SNX18: variants seen among roughly 807,000 people sequenced by gnomAD.
SNX18 encodes sorting nexin 18, also known as sorting nexin-18.
Under a neutral mutation model 48.7 loss-of-function variants are expected in SNX18, and 35 were observed. That is an observed-to-expected ratio of 0.72 (90% CI 0.55 to 0.95). SNX18 has a LOEUF of 0.95. SNX18 is among the 40% of genes least tolerant of loss of function. The pLI, the probability that SNX18 is intolerant of heterozygous loss-of-function variation, is 0.00. For missense variants in SNX18, 824 were observed against 871.0 expected (o/e 0.95, Z 0.68); for synonymous variants, 492 against 384.7 (o/e 1.28, Z -3.26).
chr5:54,577,827 G>A, the SNX18 span, among the ~76,000 whole-genome samples: 1 of 152,202 alleles, frequency 6.6e-6, no homozygotes, highest in Non-Finnish European at 1.5e-5. Context: ...GGTTGTGTGT[G>A]CAGAAATGGA....
the SNX18 span, among the ~76,000 whole-genome samples, chr5:54,578,377 G>T: frequency 6.6e-6 from 1 of 152,208 alleles, no homozygotes; most frequent in African/African-American, 2.4e-5. Flanking sequence ...CTGTGCTGGA[G>T]ATGCCAACTG....
chr5:54,599,147 T>C, the SNX18 span, among the ~76,000 whole-genome samples: 1 of 152,184 alleles, frequency 6.6e-6, no homozygotes, highest in African/African-American at 2.4e-5. Flanking sequence ...ACAAAGAGAA[T>C]TGTATCTCTG....
At chr5:54,618,081 G>T in the SNX18 span, among the ~76,000 whole-genome samples, 2 of 152,164 alleles carry the variant, frequency 1.3e-5, no homozygotes, top group Non-Finnish European at 2.9e-5. Context: ...CCCAGTAGGA[G>T]GTAATTGAAT....
the SNX18 span, among the ~76,000 whole-genome samples, chr5:54,558,705 T>C: frequency 6.6e-6 from 1 of 152,194 alleles, no homozygotes; most frequent in South Asian, 2.1e-4. Flanking sequence ...AATCACTTCC[T>C]ACTGGGTTTT....
At chr5:54,534,212 A>G (rs1198462720) in intron 1 of SNX18, among the ~76,000 whole-genome samples, 1 of 151,022 alleles carries the variant, frequency 6.6e-6, no homozygotes, top group Non-Finnish European at 1.5e-5. Flanking sequence ...ATGATTTCAA[A>G]ATTAAATAAG....
chr5:54,614,149 A>G, the SNX18 span, among the ~76,000 whole-genome samples: 2 of 152,188 alleles, frequency 1.3e-5, no homozygotes, highest in African/African-American at 2.4e-5. Context: ...GATAAAGATA[A>G]CGGAAAGCAG....
At chr5:54,612,887 A>G in the SNX18 span, among the ~76,000 whole-genome samples, 7 of 152,130 alleles carry the variant, frequency 4.6e-5, no homozygotes, top group Non-Finnish European at 7.4e-5. Context: ...CACCCCAGAC[A>G]CTAGATTCCC....
chr5:54,596,028 T>G, the SNX18 span, among the ~76,000 whole-genome samples: 18 of 152,184 alleles, frequency 1.2e-4, 1 homozygote, highest in Non-Finnish European at 2.2e-4. Flanking sequence ...TCTTCTTGGC[T>G]ACTAGGCTGG....
the SNX18 span, among the ~76,000 whole-genome samples, chr5:54,569,145 A>AT: frequency 0.047 from 7,071 of 148,940 alleles, 258 homozygotes; most frequent in African/African-American, 0.1. Flanking sequence ...GCCCAACCAC[A>AT]TTTTTTTTTT....
the SNX18 span, among the ~76,000 whole-genome samples, chr5:54,572,750 G>GTATATATATATATATATATATATATA: frequency 4.8e-5 from 2 of 41,468 alleles, no homozygotes; most frequent in Non-Finnish European, 1.0e-4. Flanking sequence ...GTGTGTGTGT[G>GTATATATATATATATATATATATATA]TGTGTATATA....
chr5:54,520,511 G>GGCAGGGAAACCTACTCCTGA (rs11268152), intron 1 of SNX18: 83,784 of 160,460 alleles, frequency 0.52, 22,417 homozygotes, highest in Non-Finnish European at 0.55. Context: ...GGGGCGGCTG[G>GGCAGGGAAACCTACTCCTGA]GCAGGGAAAC....
chr5:54,581,404 A>G, the SNX18 span, among the ~76,000 whole-genome samples: 2 of 152,080 alleles, frequency 1.3e-5, no homozygotes, highest in Non-Finnish European at 2.9e-5. Flanking sequence ...CTGGGGTTTT[A>G]GATTCCAGAA....
At chr5:54,540,783 G>T (rs1241318784) in intron 1 of SNX18, among the ~76,000 whole-genome samples, 1 of 152,138 alleles carries the variant, frequency 6.6e-6, no homozygotes, top group African/African-American at 2.4e-5. Flanking sequence ...GACAGGTCAG[G>T]ATCTGAGCAG....
chr5:54,519,784 A>C lies in SNX18; in HGVS notation c.1621+211A>C, dbSNP rs1761980093. The C allele has an allele frequency of 3.5e-5, 56 of 1,613,958 alleles. No homozygotes were observed. The highest frequency in any genetic ancestry group is 4.7e-5 in the Non-Finnish European group (55 of 1,179,896). ...CTCGAGTATCTTGCATTAGGGAATG[A>C]GTACTCTTTCTCGAAGGTTCAAAGA... On this transcript the variant is annotated intron_variant, in intron 1 of 1. Coordinates refer to ENST00000381410, the MANE Select transcript of SNX18 (RefSeq NM_001102575.2).
At chr5:54,610,760 T>C in the SNX18 span, among the ~76,000 whole-genome samples, 3 of 152,166 alleles carry the variant, frequency 2.0e-5, no homozygotes, top group Admixed American at 1.3e-4. Context: ...TTGAAGTAAT[T>C]AGGAGGGTGT....
chr5:54,616,300 A>C, the SNX18 span, among the ~76,000 whole-genome samples: 2 of 152,334 alleles, frequency 1.3e-5, no homozygotes, highest in East Asian at 3.9e-4. Context: ...GGCTCGGGTC[A>C]GTTTTCAACA....
At chr5:54,525,262 C>G (rs1436457055) in intron 1 of SNX18, among the ~76,000 whole-genome samples, 3 of 151,958 alleles carry the variant, frequency 2.0e-5, no homozygotes, top group African/African-American at 7.3e-5. Context: ...AGATGACAAC[C>G]AGGCATGGTG....
chr5:54,587,888 C>T, the SNX18 span, among the ~76,000 whole-genome samples: 1 of 152,144 alleles, frequency 6.6e-6, no homozygotes, highest in Non-Finnish European at 1.5e-5. Flanking sequence ...GCTTCCCTTG[C>T]AGTTAGATGT....
At chr5:54,595,857 T>C in the SNX18 span, among the ~76,000 whole-genome samples, 3 of 152,236 alleles carry the variant, frequency 2.0e-5, no homozygotes, top group African/African-American at 7.2e-5. Context: ...TCCTTGCCTC[T>C]TCCAACTTCT....
Sources: gnomAD v4.1 joint callset for allele counts (sites outside exome capture counted in the v4.1 genomes callset) on GRCh38, gnomAD v4.1.1 for gene constraint, MANE v1.5 for transcripts, NCBI Gene and HGNC (gene_info 2026-07-23, HGNC 2026-07-21) for gene names.